The following SBF2 variants were observed in gnomAD, a reference collection of about 807,000 sequenced individuals.
SBF2 encodes the protein myotubularin-related protein 13.
In SBF2, 112 loss-of-function variants were observed where a neutral mutation model predicts 225.2. That is an observed-to-expected ratio of 0.50 (90% CI 0.43 to 0.58). The LOEUF (loss-of-function observed/expected upper bound fraction) is 0.58. Ranked by LOEUF, SBF2 falls within the 20% of genes least tolerant of loss-of-function variation. The pLI is 0.00. For synonymous variants in SBF2, 763 were observed against 773.3 expected (o/e 0.99, Z 0.22); for missense variants, 1,996 against 2,206.2 (o/e 0.90, Z 1.91).
At chr11:9,806,720 T>G (rs917059425) in intron 32 of SBF2, among the ~76,000 whole-genome samples, 1 of 152,176 alleles carries the variant, frequency 6.6e-6, no homozygotes, top group African/African-American at 2.4e-5. Context: ...ATTAGAGCAG[T>G]AAAAAACATA....
At chr11:10,173,567 G>A (rs954359822) in intron 2 of SBF2, among the ~76,000 whole-genome samples, 44 of 152,292 alleles carry the variant, frequency 2.9e-4, no homozygotes, top group Admixed American at 6.5e-4. Context: ...ACTGCAAGGC[G>A]GCAGCGAGGC....
intron 21 of SBF2, among the ~76,000 whole-genome samples, chr11:9,850,491 C>T (rs572578839): frequency 3.3e-4 from 51 of 152,254 alleles, no homozygotes; most frequent in Non-Finnish European, 5.7e-4. Context: ...CTCCTGGCCT[C>T]AAGCAATCCA....
At chr11:9,975,411 T>C (rs899410723) in intron 13 of SBF2, among the ~76,000 whole-genome samples, 2 of 152,154 alleles carry the variant, frequency 1.3e-5, no homozygotes, top group Non-Finnish European at 2.9e-5. Context: ...ATAATGCCAT[T>C]ATGGAAAAGG....
rs188850408 is a variant in SBF2, at chr11:10,152,413, G to A, written c.141+41489C>T. ...AAAAATACAAAATTAGCCGGGCGTG[G>A]TGGTGCATGCCTGTAATCCCAGCTG... is the stretch of plus-strand genomic sequence containing the variant. On this transcript the variant is annotated intron_variant, in intron 2 of 39. Transcript: ENST00000256190. Among the ~76,000 whole-genome samples the A allele has an allele frequency of 2.2e-3, 328 of 152,182 alleles. 1 individual carries two copies. The highest frequency in any genetic ancestry group is 7.7e-3 in the African/African-American group (320 of 41,528).
intron 13 of SBF2, among the ~76,000 whole-genome samples, chr11:9,984,156 C>T (rs1022313093): frequency 6.6e-6 from 1 of 151,942 alleles, no homozygotes; most frequent in African/African-American, 2.4e-5. Context: ...AAGGCGAAGC[C>T]CAATGCAAGG....
At chr11:9,931,395 C>T (rs536225581) in intron 16 of SBF2, among the ~76,000 whole-genome samples, 91 of 152,284 alleles carry the variant, frequency 6.0e-4, no homozygotes, top group African/African-American at 2.1e-3. Flanking sequence ...CCCTCTGGGA[C>T]GAAGCTTTCA....
chr11:10,213,173 C>G (rs532787872), intron 1 of SBF2, among the ~76,000 whole-genome samples: 1 of 152,262 alleles, frequency 6.6e-6, no homozygotes, highest in African/African-American at 2.4e-5. Flanking sequence ...CAGTACAGTA[C>G]TTTTTAAGGA....
At chr11:10,163,410 G>C (rs962666728) in intron 2 of SBF2, among the ~76,000 whole-genome samples, 1 of 152,112 alleles carries the variant, frequency 6.6e-6, no homozygotes, top group African/African-American at 2.4e-5. Context: ...TGCTCCTAAT[G>C]AAAGAAATCC....
intron 2 of SBF2, among the ~76,000 whole-genome samples, chr11:10,179,713 G>A (rs1337936820): frequency 6.6e-6 from 1 of 152,108 alleles, no homozygotes; most frequent in African/African-American, 2.4e-5. Context: ...GGATGCATGT[G>A]GCAGGACTTA....
chr11:10,134,494 C>T (rs778289889), intron 2 of SBF2, among the ~76,000 whole-genome samples: 25 of 152,158 alleles, frequency 1.6e-4, no homozygotes, highest in Non-Finnish European at 1.8e-4. Context: ...AGAGACAAGG[C>T]AAGTCCTTTC....
intron 6 of SBF2, among the ~76,000 whole-genome samples, chr11:10,022,556 T>C (rs961518558): frequency 6.6e-6 from 1 of 152,032 alleles, no homozygotes; most frequent in Non-Finnish European, 1.5e-5. Flanking sequence ...AAGAGAACTT[T>C]CCCAGCAAAA....
chr11:10,177,107 T>C (rs1014594177), intron 2 of SBF2, among the ~76,000 whole-genome samples: 5 of 151,796 alleles, frequency 3.3e-5, no homozygotes, highest in African/African-American at 7.3e-5. Flanking sequence ...ATTATCTCAA[T>C]AGATGCACAA....
chr11:9,825,299 GC>G (rs1261782544), intron 28 of SBF2, among the ~76,000 whole-genome samples: 1 of 152,162 alleles, frequency 6.6e-6, no homozygotes, highest in Non-Finnish European at 1.5e-5. Flanking sequence ...GCCAAAGATG[GC>G]CAGCAAACCT....
At chr11:10,139,683 A>G (rs556246944) in intron 2 of SBF2, among the ~76,000 whole-genome samples, 57 of 152,306 alleles carry the variant, frequency 3.7e-4, no homozygotes, top group African/African-American at 1.3e-3. Flanking sequence ...GCTTTATTTA[A>G]TTTTTGTTCA....
chr11:10,111,905 T>C (rs1952878388), intron 2 of SBF2, among the ~76,000 whole-genome samples: 1 of 151,858 alleles, frequency 6.6e-6, no homozygotes, highest in South Asian at 2.1e-4. Flanking sequence ...TAACTTAGAG[T>C]TCTGTTAGAG....
chr11:10,166,578 T>C (rs994183600), intron 2 of SBF2, among the ~76,000 whole-genome samples: 1 of 152,184 alleles, frequency 6.6e-6, no homozygotes, highest in Non-Finnish European at 1.5e-5. Flanking sequence ...GGTCTATGAA[T>C]TGTGTTAAAA....
At chr11:9,919,910 T>C (rs1863464122) in intron 16 of SBF2, among the ~76,000 whole-genome samples, 1 of 151,878 alleles carries the variant, frequency 6.6e-6, no homozygotes, top group African/African-American at 2.4e-5. Context: ...TTTGTATTTT[T>C]AGTAGAGACA....
At chr11:10,224,499 T>G (rs948447893) in intron 1 of SBF2, among the ~76,000 whole-genome samples, 1 of 152,178 alleles carries the variant, frequency 6.6e-6, no homozygotes, top group Non-Finnish European at 1.5e-5. Flanking sequence ...CTGTATGATC[T>G]GGCCCCTACC....
intron 2 of SBF2, among the ~76,000 whole-genome samples, chr11:10,081,548 C>A (rs1951363066): frequency 6.6e-6 from 1 of 152,052 alleles, no homozygotes; most frequent in Non-Finnish European, 1.5e-5. Context: ...CGTCTGAGGT[C>A]AGGAGATCGA....
Sources: allele counts gnomAD v4.1 joint callset (sites outside exome capture counted in the v4.1 genomes callset), GRCh38; gene constraint gnomAD v4.1.1; transcripts MANE v1.5; gene names NCBI Gene and HGNC (gene_info 2026-07-23, HGNC 2026-07-21).